Variants in INPP5A observed in about 807,000 individuals in gnomAD.
INPP5A encodes inositol polyphosphate-5-phosphatase A.
A neutral mutation model predicts 65.2 loss-of-function variants in INPP5A; 14 were observed. The ratio of observed to expected loss-of-function variants is 0.21; its 90% CI spans 0.14 to 0.34. INPP5A has a LOEUF of 0.34. INPP5A is among the 10% of genes least tolerant of loss of function. The probability of loss-of-function intolerance (pLI) is 1.00; values close to 1 mark genes in which losing one functional copy is unlikely to be tolerated. For missense variants in INPP5A, 431 were observed against 545.6 expected, an observed-to-expected ratio of 0.79 and a Z score of 2.09; for synonymous variants, 207 against 208.3, an observed-to-expected ratio of 0.99 and a Z score of 0.05.
At chr10:132,597,083 G>A (rs1379886310) in intron 1 of INPP5A, among the ~76,000 whole-genome samples, 2 of 151,892 alleles carry the variant, frequency 1.3e-5, no homozygotes, top group Non-Finnish European at 2.9e-5. Flanking sequence ...GTGTGCGTGT[G>A]TGTATGTGTG....
chr10:132,737,164 G>C (rs1846191346), intron 9 of INPP5A, among the ~76,000 whole-genome samples: 1 of 152,216 alleles, frequency 6.6e-6, no homozygotes, highest in Non-Finnish European at 1.5e-5. Context: ...CCAAAGCCCT[G>C]CACCATTCAG....
At chr10:132,718,033 G>A (rs1475157095) in intron 8 of INPP5A, among the ~76,000 whole-genome samples, 13 of 143,346 alleles carry the variant, frequency 9.1e-5, no homozygotes, top group Non-Finnish European at 9.0e-5. Context: ...CTGTCTGGGC[G>A]CCTTAGACGG....
chr10:132,642,107 G>C (rs2072433479), intron 2 of INPP5A, among the ~76,000 whole-genome samples: 1 of 152,238 alleles, frequency 6.6e-6, no homozygotes, highest in South Asian at 2.1e-4. Flanking sequence ...CCAGCGGGAA[G>C]GGGCGGCCTT....
chr10:132,750,132 C>CT (rs1366283488), intron 11 of INPP5A, among the ~76,000 whole-genome samples: 1 of 152,232 alleles, frequency 6.6e-6, no homozygotes, highest in Non-Finnish European at 1.5e-5. Context: ...GACGCTGGTG[C>CT]TGTGGGGTGG....
chr10:132,642,869 C>A (rs990508408), intron 2 of INPP5A, among the ~76,000 whole-genome samples: 1 of 152,194 alleles, frequency 6.6e-6, no homozygotes, highest in Non-Finnish European at 1.5e-5. Context: ...TCTTCATCAT[C>A]CTGCTTTTCT....
At chr10:132,720,301 C>T (rs1417972189) in intron 8 of INPP5A, among the ~76,000 whole-genome samples, 6 of 117,400 alleles carry the variant, frequency 5.1e-5, no homozygotes, top group South Asian at 3.0e-4. Flanking sequence ...GGCTGTCTTG[C>T]GGGTTCTGTG....
chr10:132,683,156 A>G (rs111773807), intron 4 of INPP5A, among the ~76,000 whole-genome samples: 7 of 142,950 alleles, frequency 4.9e-5, no homozygotes, highest in African/African-American at 1.3e-4. Context: ...CATGTGTTGT[A>G]TTATATACAT....
chr10:132,542,826 C>T (rs2070923586), intron 1 of INPP5A, among the ~76,000 whole-genome samples: 2 of 152,194 alleles, frequency 1.3e-5, no homozygotes, highest in African/African-American at 2.4e-5. Flanking sequence ...TGTTTTCACA[C>T]AGGGTCTCAT....
At chr10:132,746,843 G>A (rs1006284039) in intron 9 of INPP5A, among the ~76,000 whole-genome samples, 2 of 152,218 alleles carry the variant, frequency 1.3e-5, no homozygotes, top group Non-Finnish European at 2.9e-5. Context: ...GCCACTTTCC[G>A]CATGAGTGGC....
intron 2 of INPP5A, among the ~76,000 whole-genome samples, chr10:132,631,368 G>C (rs1290411007): frequency 6.6e-6 from 1 of 152,186 alleles, no homozygotes; most frequent in Non-Finnish European, 1.5e-5. Context: ...CAGCCCCGAA[G>C]GGACCTGGAG....
intron 11 of INPP5A, among the ~76,000 whole-genome samples, chr10:132,755,948 A>G (rs1460647314): frequency 6.6e-6 from 1 of 152,224 alleles, no homozygotes; most frequent in East Asian, 1.9e-4. Context: ...TGGCACACAC[A>G]GCCCTCAGAC....
At position 132,642,805 on chromosome 10, in the gene INPP5A, C is replaced by T. The variant is rs953574308; in HGVS notation, c.118-3063C>T. On this transcript the variant is annotated intron_variant, in intron 2 of 15. Coordinates refer to ENST00000368594, the MANE Select transcript of INPP5A (RefSeq NM_005539.5). ...CTGTCCATGTGGAGGGGCGGCCGCA[C>T]GTGGGGATAAAGACCTGCCGATGAA... is the stretch of plus-strand genomic sequence containing the variant. Among the ~76,000 whole-genome samples, 6 of 152,264 alleles carry T rather than the reference C, an allele frequency of 3.9e-5. No homozygotes were observed. In the South Asian group the frequency reaches 6.2e-4, roughly 16 times the overall value.
rs887487009 is a variant in INPP5A, at chr10:132,651,254, C to G, written c.306+749C>G. ...CGGCCTGGATCCATCTCCCCCGTCT[C>G]TGGGGAGGCCCTGGGTCCCCCGGCC... On this transcript the variant is annotated intron_variant, in intron 4 of 15. Coordinates refer to ENST00000368594, the MANE Select transcript of INPP5A (RefSeq NM_005539.5). This position sits in a 1 kb window ranked among gnomAD's most constrained non-coding sequence, Gnocchi z 5.0. 7.5e-4 allele frequency among the ~76,000 whole-genome samples: 114 copies of G among 151,648 alleles called. No homozygotes were observed. The highest frequency in any genetic ancestry group is 2.1e-3 in the African/African-American group (86 of 41,344).
At chr10:132,640,130 T>C (rs2072406743) in intron 2 of INPP5A, among the ~76,000 whole-genome samples, 1 of 152,246 alleles carries the variant, frequency 6.6e-6, no homozygotes, top group African/African-American at 2.4e-5. Flanking sequence ...CTCAGGGTTG[T>C]GTCCTGGTCA....
At chr10:132,655,237 G>A (rs1197803187) in intron 4 of INPP5A, among the ~76,000 whole-genome samples, 1 of 152,200 alleles carries the variant, frequency 6.6e-6, no homozygotes, top group Non-Finnish European at 1.5e-5. Flanking sequence ...CTTGCTCCTG[G>A]GTTCAGCCTG....
intron 3 of INPP5A, among the ~76,000 whole-genome samples, chr10:132,649,890 G>A (rs553904673): frequency 1.1e-3 from 160 of 152,284 alleles, no homozygotes; most frequent in Non-Finnish European, 1.6e-3. Flanking sequence ...GGACAATGGC[G>A]TGTCCAGAGG....
chr10:132,748,711 A>G (rs1174121346), intron 9 of INPP5A, among the ~76,000 whole-genome samples: 2 of 152,216 alleles, frequency 1.3e-5, no homozygotes, highest in East Asian at 1.9e-4. Context: ...TCAGCCATGC[A>G]GTGTGGGAGA....
chr10:132,693,224 C>G (rs1845296302), intron 5 of INPP5A, among the ~76,000 whole-genome samples: 1 of 151,974 alleles, frequency 6.6e-6, no homozygotes, highest in African/African-American at 2.4e-5. Context: ...CAGTAAAAGC[C>G]AGAGAAGGCA....
intron 12 of INPP5A, among the ~76,000 whole-genome samples, chr10:132,766,672 ATG>A (rs1846850918): frequency 1.3e-5 from 2 of 151,224 alleles, no homozygotes; most frequent in South Asian, 2.1e-4. Flanking sequence ...TGCTCCACGG[ATG>A]TGTGTGCACA....
Sources: allele counts gnomAD v4.1 joint callset (sites outside exome capture counted in the v4.1 genomes callset), GRCh38; gene constraint gnomAD v4.1.1; non-coding constraint Gnocchi (gnomAD v3.1); transcripts MANE v1.5; gene names NCBI Gene and HGNC (gene_info 2026-07-23, HGNC 2026-07-21).